CALCRL: variants seen among roughly 807,000 people sequenced by gnomAD.
CALCRL encodes the protein calcitonin gene-related peptide type 1 receptor.
In CALCRL, 27 loss-of-function variants were observed where a neutral mutation model predicts 60.4. The ratio of observed to expected loss-of-function variants is 0.45; its 90% CI spans 0.33 to 0.62. The LOEUF is 0.62. CALCRL is among the 20% of genes least tolerant of loss of function. CALCRL has a pLI of 0.03. For missense variants in CALCRL, 424 were observed against 540.7 expected (o/e 0.78, Z 2.14); for synonymous variants, 190 against 182.6 (o/e 1.04, Z -0.33).
At chr2:187,389,677 C>G (rs1301595962) in intron 1 of CALCRL, among the ~76,000 whole-genome samples, 4 of 151,750 alleles carry the variant, frequency 2.6e-5, no homozygotes, top group Non-Finnish European at 4.4e-5. Context: ...GATGGAGAAA[C>G]TTACATCAAT....
At position 187,375,266 on chromosome 2, in the gene CALCRL, G is replaced by A. The variant is rs1300307340; in HGVS notation, c.500+3674C>T. ...CGCAGTCCGGCCTGGGCGACAGAGC[G>A]AGACTCCGTCTCAAAAAAAAAAAAA... On this transcript the variant is annotated intron_variant, in intron 8 of 14. Coordinates refer to ENST00000392370, the MANE Select transcript of CALCRL (RefSeq NM_005795.6). Among the ~76,000 whole-genome samples the A allele has an allele frequency of 1.6e-4, 18 of 109,828 alleles. No individual in the cohort carries two copies. The Admixed American group carries it at 1.7e-3, about 10-fold the overall frequency. 72.1% of individuals were successfully genotyped at this position (109,828 alleles called of 152,430 possible).
chr2:187,386,711 A>G (rs531257798), intron 3 of CALCRL, among the ~76,000 whole-genome samples: 1 of 29,518 alleles, frequency 3.4e-5, no homozygotes, highest in African/African-American at 1.4e-4. Flanking sequence ...TAACTAAATG[A>G]TATGGTTTGG....
In CALCRL at chr2:187,344,453, A is replaced by G. The variant is rs545130979; in HGVS notation, c.*1731T>C. On this transcript the variant is annotated 3_prime_UTR_variant, in exon 15 of 15. Transcript: ENST00000392370. The stretch of plus-strand genomic sequence containing the variant: ...TCAGATTGACACACTTAAAAAACAG[A>G]TACCCATGACTTTTCCCAAAATTGA... The G allele has an allele frequency of 1.3e-5, 2 of 151,818 alleles. No homozygotes were observed. The highest frequency in any genetic ancestry group is 4.1e-4 in the South Asian group (2 of 4,826). The allele number at this position is 151,818 out of a possible 1,614,324, so 9.4% of individuals were successfully genotyped here. A position where few individuals can be genotyped will look rare whatever the true frequency, so the allele number is the denominator to read the frequency against.
At chr2:187,379,340 A>G (rs932983650) in intron 7 of CALCRL, among the ~76,000 whole-genome samples, 2 of 152,126 alleles carry the variant, frequency 1.3e-5, no homozygotes, top group African/African-American at 4.8e-5. Context: ...TAGATTATAT[A>G]CTATATGAAA....
chr2:187,385,906 C>A (rs908866367), intron 3 of CALCRL, among the ~76,000 whole-genome samples: 1 of 152,042 alleles, frequency 6.6e-6, no homozygotes, highest in Non-Finnish European at 1.5e-5. Context: ...AGCGCCACCA[C>A]ACCCAGCTAA....
At chr2:187,394,666 CA>C (rs778285077) in intron 1 of CALCRL, among the ~76,000 whole-genome samples, 36 of 152,038 alleles carry the variant, frequency 2.4e-4, no homozygotes, top group Non-Finnish European at 3.4e-4. Flanking sequence ...TTAAGAAAAT[CA>C]ACTCAACTAT....
chr2:187,342,073 G>C lies in CALCRL; in HGVS notation c.*4111C>G, dbSNP rs1686114475. Reference sequence around the variant, plus strand: ...GGTATGTTCACCCAATGGAATAAAAGGAAACATTGATACATGCCAAAACAT... The same window carrying C: ...GGTATGTTCACCCAATGGAATAAAACGAAACATTGATACATGCCAAAACAT... On this transcript the variant is annotated 3_prime_UTR_variant, in exon 15 of 15. Transcript: ENST00000392370. Among the ~76,000 whole-genome samples the C allele has an allele frequency of 6.6e-6, 1 of 151,688 alleles. No individual in the cohort carries two copies. The highest frequency in any genetic ancestry group is 1.5e-5 in the Non-Finnish European group (1 of 67,766).
chr2:187,386,117 C>T (rs1372765972), intron 3 of CALCRL, among the ~76,000 whole-genome samples: 2 of 99,542 alleles, frequency 2.0e-5, no homozygotes, highest in Non-Finnish European at 4.3e-5. Flanking sequence ...GACTTACAAA[C>T]AGAAAAACTT....
chr2:187,400,992 A>G (rs1384383291), intron 1 of CALCRL, among the ~76,000 whole-genome samples: 1 of 151,484 alleles, frequency 6.6e-6, no homozygotes, highest in East Asian at 1.9e-4. Context: ...CAAACCATTG[A>G]ATTGTATTCT....
At chr2:187,381,887 T>A (rs1574253747) in intron 5 of CALCRL, among the ~76,000 whole-genome samples, 1 of 152,342 alleles carries the variant, frequency 6.6e-6, no homozygotes, top group Middle Eastern at 3.4e-3. Context: ...AAAATTCTGA[T>A]GGCCTGTAAG....
Position 187,343,474 on chromosome 2 carries a change from A to T in CALCRL, c.*2710T>A, listed in dbSNP as rs1332844077. On this transcript the variant is annotated 3_prime_UTR_variant, in exon 15 of 15. Coordinates refer to ENST00000392370, the MANE Select transcript of CALCRL (RefSeq NM_005795.6). The stretch of plus-strand genomic sequence containing the variant: ...AAAAGTAAGTTCACATTTAAAAAAA[A>T]TTATAAGCAATAAATACAGCACTAC... 1 of 151,974 alleles carries T rather than the reference A, an allele frequency of 6.6e-6. No homozygotes were observed. The highest frequency in any genetic ancestry group is 6.6e-5 in the Admixed American group (1 of 15,172). 9.4% of individuals were successfully genotyped at this position (151,974 alleles called of 1,614,324 possible). A position where few individuals can be genotyped will look rare whatever the true frequency, so the allele number is the denominator to read the frequency against.
chr2:187,396,523 C>T (rs1688660097), intron 1 of CALCRL, among the ~76,000 whole-genome samples: 1 of 151,570 alleles, frequency 6.6e-6, no homozygotes, highest in South Asian at 2.1e-4. Flanking sequence ...ATCACTAAGC[C>T]AAGACTTTTA....
chr2:187,366,918 CCCCACACACACACACACACA>C (rs1469197995), intron 8 of CALCRL, among the ~76,000 whole-genome samples: 5 of 84,500 alleles, frequency 5.9e-5, no homozygotes, highest in African/African-American at 1.3e-4. Flanking sequence ...GTGAGTATAA[CCCCACACACACACACACACA>C]CACACACACA....
At chr2:187,398,986 T>C (rs1688770258) in intron 1 of CALCRL, among the ~76,000 whole-genome samples, 1 of 151,612 alleles carries the variant, frequency 6.6e-6, no homozygotes, top group Non-Finnish European at 1.5e-5. Flanking sequence ...GCCTAACTGA[T>C]TTATTTGGAG....
intron 14 of CALCRL, among the ~76,000 whole-genome samples, chr2:187,350,138 C>A (rs770536246): frequency 6.3e-4 from 96 of 151,470 alleles, no homozygotes; most frequent in Non-Finnish European, 1.6e-4. Context: ...TCTACACTGC[C>A]TCCTGTTACA....
chr2:187,382,541 C>T (rs1159165787), intron 5 of CALCRL, among the ~76,000 whole-genome samples: 1 of 151,886 alleles, frequency 6.6e-6, no homozygotes, highest in African/African-American at 2.4e-5. Context: ...TGAAGATAAC[C>T]CTTTCTTTAA....
At chr2:187,399,590 C>T (rs1229812901) in intron 1 of CALCRL, among the ~76,000 whole-genome samples, 2 of 151,442 alleles carry the variant, frequency 1.3e-5, no homozygotes. Context: ...AATTGCAAAT[C>T]ACATATTTGA....
chr2:187,359,727 GA>G (rs1208404865), intron 10 of CALCRL, among the ~76,000 whole-genome samples: 1 of 151,908 alleles, frequency 6.6e-6, no homozygotes, highest in Non-Finnish European at 1.5e-5. Context: ...AAGAGAAGAA[GA>G]AAAAAAGTGA....
intron 1 of CALCRL, among the ~76,000 whole-genome samples, chr2:187,406,044 C>T (rs978208010): frequency 6.7e-6 from 1 of 150,292 alleles, no homozygotes; most frequent in Admixed American, 6.7e-5. Flanking sequence ...AATGTTGTGT[C>T]TGTTAATATA....
Sources: allele counts gnomAD v4.1 joint callset (sites outside exome capture counted in the v4.1 genomes callset), GRCh38; gene constraint gnomAD v4.1.1; transcripts MANE v1.5; gene names NCBI Gene and HGNC (gene_info 2026-07-23, HGNC 2026-07-21).